The following UGT1A4 variants were observed in gnomAD, a reference collection of about 807,000 sequenced individuals.
UGT1A4 encodes the protein UDP-glucuronosyltransferase 1A4.
In UGT1A4, 32 loss-of-function variants were observed where a neutral mutation model predicts 41.1. That is an observed-to-expected ratio of 0.78 (90% CI 0.59 to 1.05). The LOEUF (loss-of-function observed/expected upper bound fraction) is 1.05. Ranked by LOEUF, UGT1A4 falls within the 50% of genes least tolerant of loss-of-function variation. The probability of loss-of-function intolerance (pLI) is 0.00; values close to 1 mark genes in which losing one functional copy is unlikely to be tolerated. For missense variants in UGT1A4, 748 were observed against 677.4 expected (o/e 1.10, Z -1.16); for synonymous variants, 283 against 265.1 (o/e 1.07, Z -0.66).
intron 1 of UGT1A4, among the ~76,000 whole-genome samples, chr2:233,757,540 A>ATATACATATACT (rs1559403688): frequency 8.6e-6 from 1 of 116,538 alleles, no homozygotes; most frequent in Admixed American, 8.4e-5. Flanking sequence ...TAAGGAATAT[A>ATATACATATACT]TATATATATA....
intron 1 of UGT1A4, among the ~76,000 whole-genome samples, chr2:233,759,177 G>A (rs926803147): frequency 1.3e-5 from 2 of 152,142 alleles, no homozygotes; most frequent in East Asian, 1.9e-4. Flanking sequence ...CAGGTTTCAC[G>A]GCAAAAAGTT....
At chr2:233,724,459 C>T (rs1289269804) in intron 1 of UGT1A4, among the ~76,000 whole-genome samples, 3 of 125,990 alleles carry the variant, frequency 2.4e-5, no homozygotes, top group Non-Finnish European at 3.3e-5. Flanking sequence ...AGCTGCCGGG[C>T]GGAGGGGCTC....
chr2:233,754,382 CAG>C (rs1431576597), intron 1 of UGT1A4: 1 of 288,696 alleles, frequency 3.5e-6, no homozygotes, highest in African/African-American at 2.2e-5. Flanking sequence ...GAAAGACAAA[CAG>C]AGGTCCTATC....
intron 1 of UGT1A4, chr2:233,747,091 T>G (rs1693559747): frequency 8.0e-7 from 1 of 1,256,442 alleles, no homozygotes. Context: ...AGGAGAGCAC[T>G]CTATCTTCCA....
chr2:233,760,213 G>A (rs1697347884), intron 1 of UGT1A4: 1 of 1,592,276 alleles, frequency 6.3e-7, no homozygotes, highest in Non-Finnish European at 8.5e-7. Context: ...CATTAACTTG[G>A]TGTATCGATT....
chr2:233,759,342 C>T (rs1337999825), intron 1 of UGT1A4, among the ~76,000 whole-genome samples: 5 of 152,112 alleles, frequency 3.3e-5, no homozygotes, highest in African/African-American at 9.7e-5. Flanking sequence ...TTCAGGTGAG[C>T]GCTGAAAATC....
At position 233,747,957 on chromosome 2, in the gene UGT1A4, C is replaced by G. The variant is rs113780348; in HGVS notation, c.868-19077C>G. On this transcript the variant is annotated intron_variant, in intron 1 of 4. Transcript: ENST00000373409. Reference sequence around the variant, plus strand: ...GAGGGAGGTGTCAGTGGTGGATCTTCTCAGCCATGCATCTGTGTGGCTGTT... The same window carrying G: ...GAGGGAGGTGTCAGTGGTGGATCTTGTCAGCCATGCATCTGTGTGGCTGTT... 1,995 of 1,613,432 alleles carry G rather than the reference C, an allele frequency of 1.2e-3. 66 individuals carry two copies. The African/African-American group carries it at 0.02, about 16-fold the overall frequency.
chr2:233,724,978 CT>C (rs879408503), intron 1 of UGT1A4, among the ~76,000 whole-genome samples: 4,867 of 144,460 alleles, frequency 0.034, 246 homozygotes, highest in African/African-American at 0.053. Context: ...TGGCGGATCA[CT>C]CGCGGTTAGG....
intron 1 of UGT1A4, among the ~76,000 whole-genome samples, chr2:233,720,213 A>G (rs1171832820): frequency 6.6e-6 from 1 of 152,188 alleles, no homozygotes; most frequent in East Asian, 1.9e-4. Flanking sequence ...GGTGGGATGG[A>G]TGCATGTGAT....
intron 1 of UGT1A4, among the ~76,000 whole-genome samples, chr2:233,749,511 A>G (rs944951323): frequency 2.0e-5 from 3 of 151,918 alleles, no homozygotes; most frequent in East Asian, 3.8e-4. Flanking sequence ...ATTAGAGAAC[A>G]CTAGCAAGGC....
At chr2:233,722,096 T>C (rs1392126534) in intron 1 of UGT1A4, 1 of 203,514 alleles carries the variant, frequency 4.9e-6, no homozygotes, top group East Asian at 1.4e-4. Context: ...ACCTTAGGCC[T>C]CTTAGAGGAA....
chr2:233,768,861 G>A (rs1031930019), intron 4 of UGT1A4, among the ~76,000 whole-genome samples: 1 of 152,004 alleles, frequency 6.6e-6, no homozygotes, highest in African/African-American at 2.4e-5. Flanking sequence ...TGAGATTACA[G>A]GCATGAGCCA....
Position 233,719,226 on chromosome 2 carries a change from G to T in UGT1A4, c.406G>T (p.Ala136Ser), listed in dbSNP as rs2076738991. 6.2e-7 allele frequency: 1 copy of T among 1,614,026 alleles called. No homozygotes were observed. Among genetic ancestry groups the T allele is most frequent in the Non-Finnish European group, 8.5e-7 (1 of 1,180,028 alleles). Residue 136 changes from alanine to serine, a missense_variant, in exon 1 of 5, where the codon GCC becomes TCC. Transcript: ENST00000373409. ...RCCVELLHNE[A>S]LIRHLNATSF... Reference sequence around the variant, plus strand: ...TTGTGTGGAGCTACTGCATAATGAGGCCCTGATCAGGCACCTGAATGCTAC... The same window carrying T: ...TTGTGTGGAGCTACTGCATAATGAGTCCCTGATCAGGCACCTGAATGCTAC...
intron 1 of UGT1A4, among the ~76,000 whole-genome samples, chr2:233,746,488 T>C (rs978125229): frequency 6.6e-6 from 1 of 151,814 alleles, no homozygotes; most frequent in Non-Finnish European, 1.5e-5. Context: ...TCCATGGACA[T>C]GTCACTCTTT....
At chr2:233,725,835 C>T (rs141517259) in intron 1 of UGT1A4, among the ~76,000 whole-genome samples, 2 of 152,170 alleles carry the variant, frequency 1.3e-5, no homozygotes, top group African/African-American at 4.8e-5. Flanking sequence ...ATTGCTACTC[C>T]TATGTTATTT....
intron 1 of UGT1A4, chr2:233,755,466 T>C: frequency 4.1e-6 from 1 of 241,540 alleles, no homozygotes; most frequent in Non-Finnish European, 8.3e-6. Context: ...CCCTGCTCTC[T>C]GTGAGGCTCT....
rs769416194 is a variant in UGT1A4 at position 233,748,156 on chromosome 2, T to A, written c.868-18878T>A. On this transcript the variant is annotated intron_variant, in intron 1 of 4. Coordinates refer to ENST00000373409, the MANE Select transcript of UGT1A4 (RefSeq NM_007120.3). ...AAAATTGTATTTACTTACAATTGCT[T>A]CCATATCTACTTATCTTTCTGGTGC... is the stretch of plus-strand genomic sequence containing the variant. The A allele has an allele frequency of 2.7e-4, 434 of 1,601,764 alleles. 1 individual carries two copies. Among genetic ancestry groups the A allele is most frequent in the Non-Finnish European group, 3.4e-4 (402 of 1,173,972 alleles).
chr2:233,745,133 G>A (rs1291736176), intron 1 of UGT1A4, among the ~76,000 whole-genome samples: 1 of 151,810 alleles, frequency 6.6e-6, no homozygotes, highest in East Asian at 1.9e-4. Flanking sequence ...CTGCAGATGT[G>A]AAGCCCAAGT....
At chr2:233,767,689 G>A (rs541366705) in intron 2 of UGT1A4, among the ~76,000 whole-genome samples, 160 bp from the exon 3 acceptor site, 3 of 152,308 alleles carry the variant, frequency 2.0e-5, no homozygotes, top group Non-Finnish European at 4.4e-5. Context: ...ACAAGATGCC[G>A]GAAGTTGCCA....
Sources: allele counts gnomAD v4.1 joint callset (sites outside exome capture counted in the v4.1 genomes callset), GRCh38; gene constraint gnomAD v4.1.1; transcripts MANE v1.5; gene names NCBI Gene and HGNC (gene_info 2026-07-23, HGNC 2026-07-21).